Variants in MACROH2A2 observed in about 807,000 individuals in gnomAD.
MACROH2A2 encodes core histone macro-H2A.2.
A neutral mutation model predicts 37.6 loss-of-function variants in MACROH2A2; 6 were observed. The observed-to-expected ratio is 0.16, with a 90% CI of 0.09 to 0.32. The LOEUF (loss-of-function observed/expected upper bound fraction) is 0.32. Ranked by LOEUF, MACROH2A2 falls within the 10% of genes least tolerant of loss-of-function variation. MACROH2A2 has a pLI of 1.00. For synonymous variants in MACROH2A2, 192 were observed against 202.7 expected, an observed-to-expected ratio of 0.95 and a Z score of 0.45; for missense variants, 290 against 485.9, an observed-to-expected ratio of 0.60 and a Z score of 3.79.
chr10:70,082,729 A>T (rs1010223268), intron 2 of MACROH2A2, among the ~76,000 whole-genome samples: 1 of 152,210 alleles, frequency 6.6e-6, no homozygotes, highest in African/African-American at 2.4e-5. Flanking sequence ...TTTATATGAG[A>T]TACCCAGAGT....
chr10:70,056,347 A>T (rs2072016624), intron 1 of MACROH2A2, among the ~76,000 whole-genome samples: 1 of 152,294 alleles, frequency 6.6e-6, no homozygotes, highest in East Asian at 1.9e-4. Flanking sequence ...TCCTAGGCTC[A>T]AGTGATCCTC....
At chr10:70,059,470 T>G (rs1285944083) in intron 1 of MACROH2A2, among the ~76,000 whole-genome samples, 3 of 151,838 alleles carry the variant, frequency 2.0e-5, no homozygotes, top group African/African-American at 7.3e-5. Flanking sequence ...CCTCCTAGGT[T>G]CATGATTTTC....
rs111703227 is a variant in MACROH2A2 at position 70,081,304 on chromosome 10, T to C, written c.172+5474T>C. ...TCCATCCATGTGGCTATTGCTCTTA[T>C]TGAGTGAAGACCCCCTAGGTGTGTC... On this transcript the variant is annotated intron_variant, in intron 2 of 8. Transcript: ENST00000373255. Among the ~76,000 whole-genome samples, 10 of 152,236 alleles carry C rather than the reference T, an allele frequency of 6.6e-5. 1 individual carries two copies. The highest frequency in any genetic ancestry group is 2.4e-4 in the African/African-American group (10 of 41,554).
intron 8 of MACROH2A2, 122 bp downstream of exon 8, chr10:70,109,329 G>T (rs904733776): frequency 1.1e-5 from 9 of 801,304 alleles, no homozygotes; most frequent in Non-Finnish European, 1.8e-5. Flanking sequence ...ATGCTGACCA[G>T]ATGACAGGGC....
chr10:70,069,159 C>T (rs1163779976), intron 1 of MACROH2A2, among the ~76,000 whole-genome samples: 1 of 152,208 alleles, frequency 6.6e-6, no homozygotes, highest in Non-Finnish European at 1.5e-5. Flanking sequence ...TATATAAAAT[C>T]TAACCTGTCG....
chr10:70,111,554 C>G lies in MACROH2A2; in HGVS notation c.990C>G (p.Thr330=), dbSNP rs748235089. ...CFPKQTAAQV[T]LKAISAHFDD... ...CCAAACAGACTGCGGCCCAGGTGAC[C>G]CTCAAAGCCATCTCAGCCCACTTTG... The change falls in exon 9 of 9, where the codon ACC becomes ACG. Residue 330 remains threonine (T), a synonymous_variant. Transcript: ENST00000373255. 6 of 1,613,814 alleles carry G rather than the reference C, an allele frequency of 3.7e-6. No homozygotes were observed. The highest frequency in any genetic ancestry group is 1.6e-4 in the Middle Eastern group (1 of 6,062).
In MACROH2A2 at chr10:70,091,991, C is replaced by T. The variant is rs1279960364; in HGVS notation, c.477+37C>T. 6.0e-6 allele frequency: 9 copies of T among 1,507,824 alleles called. No homozygotes were observed. In the African/African-American group the frequency reaches 1.2e-4, roughly 21 times the overall value. The allele number at this position is 1,507,824 out of a possible 1,614,324, so 93.4% of individuals were successfully genotyped here. ...CTGCGTGTCCTGGGCCAGGCACTCC[C>T]ACTGCAATGGTCTGAATGTCTGTGT... On this transcript the variant is annotated intron_variant, in intron 4 of 8. Coordinates refer to ENST00000373255, the MANE Select transcript of MACROH2A2 (RefSeq NM_018649.3).
At chr10:70,110,902 AT>A (rs1464075794) in intron 8 of MACROH2A2, among the ~76,000 whole-genome samples, 1 of 151,970 alleles carries the variant, frequency 6.6e-6, no homozygotes, top group Non-Finnish European at 1.5e-5. Context: ...AAAAAAACTA[AT>A]TTAAAAAAAG....
At chr10:70,060,884 T>A (rs963135762) in intron 1 of MACROH2A2, among the ~76,000 whole-genome samples, 1 of 151,700 alleles carries the variant, frequency 6.6e-6, no homozygotes, top group African/African-American at 2.4e-5. Context: ...TTTGGGAGGC[T>A]AAGTTGGGAG....
Position 70,075,152 on chromosome 10 carries a change from G to A in MACROH2A2, c.-59-448G>A, listed in dbSNP as rs529311163. ...CTGCCCACTCTGACCCCCTGCCTCC[G>A]TCTTCTAAGGCAATTATGTTAGCCC... On this transcript the variant is annotated intron_variant, in intron 1 of 8. Transcript: ENST00000373255. This position sits in a 1 kb window ranked among gnomAD's most constrained non-coding sequence, Gnocchi z 5.0. Among the ~76,000 whole-genome samples the A allele has an allele frequency of 3.3e-5, 5 of 152,126 alleles. No individual in the cohort carries two copies. The highest frequency in any genetic ancestry group is 1.9e-4 in the East Asian group (1 of 5,180).
chr10:70,084,575 A>G (rs1287389051), intron 2 of MACROH2A2, among the ~76,000 whole-genome samples: 1 of 152,124 alleles, frequency 6.6e-6, no homozygotes, highest in Non-Finnish European at 1.5e-5. Flanking sequence ...CTCTAAATAT[A>G]AAAAAGTGTC....
chr10:70,080,201 C>CT (rs1305780058), intron 2 of MACROH2A2, among the ~76,000 whole-genome samples: 2 of 151,850 alleles, frequency 1.3e-5, no homozygotes, highest in Non-Finnish European at 2.9e-5. Flanking sequence ...ATCACTTGAA[C>CT]CCAGGAGGCG....
At chr10:70,062,729 T>G (rs1370141907) in intron 1 of MACROH2A2, among the ~76,000 whole-genome samples, 1 of 152,214 alleles carries the variant, frequency 6.6e-6, no homozygotes, top group Non-Finnish European at 1.5e-5. Context: ...CTGCTGTCTC[T>G]TTTTCAAAGC....
Position 70,075,523 on chromosome 10 carries a change from G to A in MACROH2A2, c.-59-77G>A. On this transcript the variant is annotated intron_variant, in intron 1 of 8. Transcript: ENST00000373255. The surrounding 1 kb of genome is among the most constrained non-coding windows in gnomAD (Gnocchi z 5.0). ...CAGGGCAGTCAGAGGTGTCACAGTG[G>A]TGCCCAAGGGCCATGCCACTGTGCC... 2 of 798,926 alleles carry A rather than the reference G, an allele frequency of 2.5e-6. No homozygotes were observed. The highest frequency in any genetic ancestry group is 4.1e-6 in the Non-Finnish European group (2 of 487,098). The allele number at this position is 798,926 out of a possible 1,614,324, so 49.5% of individuals were successfully genotyped here. A position where few individuals can be genotyped will look rare whatever the true frequency, so the allele number is the denominator to read the frequency against.
chr10:70,099,411 C>G lies in MACROH2A2; in HGVS notation c.689-797C>G, dbSNP rs562996137. 2.6e-5 allele frequency: 4 copies of G among 152,300 alleles called. No individual in the cohort carries two copies. The East Asian group carries it at 5.8e-4, about 22-fold the overall frequency. 9.4% of individuals were successfully genotyped at this position (152,300 alleles called of 1,614,324 possible). A position where few individuals can be genotyped will look rare whatever the true frequency, so the allele number is the denominator to read the frequency against. ...TTCATAAAGAGATTGCTGAGACTTG[C>G]TGCAGACATCCAGATCACCAAGTTC... On this transcript the variant is annotated intron_variant, in intron 6 of 8. Coordinates refer to ENST00000373255, the MANE Select transcript of MACROH2A2 (RefSeq NM_018649.3).
intron 1 of MACROH2A2, among the ~76,000 whole-genome samples, chr10:70,060,259 A>G (rs1259926346): frequency 6.6e-6 from 1 of 151,784 alleles, no homozygotes; most frequent in African/African-American, 2.4e-5. Context: ...AATTCCAGCT[A>G]TTTGGGAGGC....
In MACROH2A2 at chr10:70,107,583, C is replaced by T. The variant is rs1363801722; in HGVS notation, c.779-1450C>T. Among the ~76,000 whole-genome samples the T allele has an allele frequency of 1.3e-5, 2 of 152,184 alleles. No individual in the cohort carries two copies. Among genetic ancestry groups the T allele is most frequent in the Admixed American group, 6.5e-5 (1 of 15,282 alleles). On this transcript the variant is annotated intron_variant, in intron 7 of 8. Coordinates refer to ENST00000373255, the MANE Select transcript of MACROH2A2 (RefSeq NM_018649.3). This position sits in a 1 kb window ranked among gnomAD's most constrained non-coding sequence, Gnocchi z 4.4. ...CCTGGGGAGTCCCACAGGGACTTCC[C>T]TCGAGCTTAGCAGCCACGGGGCTTT...
At chr10:70,078,053 C>A (rs1050788435) in intron 2 of MACROH2A2, among the ~76,000 whole-genome samples, 1 of 152,228 alleles carries the variant, frequency 6.6e-6, no homozygotes, top group Non-Finnish European at 1.5e-5. Flanking sequence ...TAACTAAGTA[C>A]TTCCTGTGCC....
chr10:70,081,254 G>GCAC (rs762996334), intron 2 of MACROH2A2, among the ~76,000 whole-genome samples: 1 of 152,052 alleles, frequency 6.6e-6, no homozygotes, highest in Non-Finnish European at 1.5e-5. Flanking sequence ...AAAGTGCTTA[G>GCAC]CACCGCTCGG....
Sources: gnomAD v4.1 joint callset for allele counts (sites outside exome capture counted in the v4.1 genomes callset) on GRCh38, gnomAD v4.1.1 for gene constraint, Gnocchi (gnomAD v3.1) non-coding constraint, MANE v1.5 for transcripts, NCBI Gene and HGNC (gene_info 2026-07-23, HGNC 2026-07-21) for gene names.